Variants in SVEP1 observed in about 807,000 individuals in gnomAD.
The protein encoded by SVEP1 is sushi, von Willebrand factor type A, EGF and pentraxin domain-containing protein 1.
Under a neutral mutation model 367.3 loss-of-function variants are expected in SVEP1, and 164 were observed. That is an observed-to-expected ratio of 0.45 (90% CI 0.39 to 0.51). The LOEUF is 0.51. Ranked by LOEUF, SVEP1 falls within the 20% of genes least tolerant of loss-of-function variation. The pLI is 0.00. For missense variants in SVEP1, 4,117 were observed against 4,425.3 expected (o/e 0.93, Z 1.98); for synonymous variants, 1,666 against 1,611.6 (o/e 1.03, Z -0.81).
At chr9:110,455,811 G>T in intron 21 of SVEP1, 108 bp from the exon 22 acceptor site, 1 of 709,128 alleles carries the variant, frequency 1.4e-6, no homozygotes, top group Non-Finnish European at 2.0e-6. Context: ...TTTTAAATGG[G>T]TAGTGGTAAA....
chr9:110,432,755 AC>A lies in SVEP1; in HGVS notation c.5060-121del, dbSNP rs1828370795. On this transcript the variant is annotated intron_variant, in intron 30 of 47. Transcript: ENST00000374469. ...CATTTTTACTGAATGCAAACATCAG[AC>A]TGAGGGTGTCCTAGGGATAGCAGCA... 2.5e-6 allele frequency: 3 copies of A among 1,183,530 alleles called. No homozygotes were observed. The South Asian group carries it at 4.6e-5, about 18-fold the overall frequency. The allele number at this position is 1,183,530 out of a possible 1,614,324, so 73.3% of individuals were successfully genotyped here. A position where few individuals can be genotyped will look rare whatever the true frequency, so the allele number is the denominator to read the frequency against.
intron 43 of SVEP1, among the ~76,000 whole-genome samples, chr9:110,381,889 T>C (rs998327320): frequency 2.0e-5 from 3 of 152,210 alleles, no homozygotes; most frequent in African/African-American, 7.2e-5. Context: ...GGTGCCTATA[T>C]ATTTAGGATA....
At chr9:110,427,363 T>C (rs1260660439) in intron 36 of SVEP1, among the ~76,000 whole-genome samples, 1 of 149,516 alleles carries the variant, frequency 6.7e-6, no homozygotes, top group Non-Finnish European at 1.5e-5. Context: ...CATTGCCCAA[T>C]GTCCATTATT....
At chr9:110,436,006 A>G (rs1350328959) in intron 28 of SVEP1, among the ~76,000 whole-genome samples, 1 of 151,700 alleles carries the variant, frequency 6.6e-6, no homozygotes, top group Non-Finnish European at 1.5e-5. Flanking sequence ...GTTGCTCTCT[A>G]TGGATGATCT....
chr9:110,378,118 C>A (rs1427698947), intron 44 of SVEP1, among the ~76,000 whole-genome samples: 1 of 149,742 alleles, frequency 6.7e-6, no homozygotes, highest in Admixed American at 6.6e-5. Flanking sequence ...TCTAATCTAT[C>A]TTCTTAATCA....
intron 4 of SVEP1, 114 bp from the exon 5 acceptor site, chr9:110,513,219 C>G: frequency 2.1e-6 from 2 of 974,876 alleles, no homozygotes; most frequent in African/African-American, 3.3e-5. Context: ...TTGCCTACAG[C>G]ATTTCCATTT....
At chr9:110,449,524 A>T (rs1157319608) in intron 24 of SVEP1, among the ~76,000 whole-genome samples, 1 of 152,094 alleles carries the variant, frequency 6.6e-6, no homozygotes, top group Admixed American at 6.5e-5. Context: ...CTCTACTAAA[A>T]ATACAAAAGT....
At chr9:110,396,678 A>C (rs1827767068) in intron 40 of SVEP1, among the ~76,000 whole-genome samples, 1 of 83,012 alleles carries the variant, frequency 1.2e-5, no homozygotes, top group African/African-American at 4.9e-5. Flanking sequence ...CACTGATCCC[A>C]CAGAAATACA....
At chr9:110,465,783 G>C in intron 18 of SVEP1, 82 bp downstream of exon 18, 1 of 1,486,790 alleles carries the variant, frequency 6.7e-7, no homozygotes, top group Non-Finnish European at 9.1e-7. Flanking sequence ...GTAGATGTAT[G>C]TTTTTGCAGA....
chr9:110,483,572 C>A lies in SVEP1; in HGVS notation c.2038+14G>T. 6.3e-7 allele frequency: 1 copy of A among 1,589,026 alleles called. No individual in the cohort carries two copies. On this transcript the variant is annotated intron_variant, in intron 10 of 47. Transcript: ENST00000374469. Reference sequence around the variant, plus strand: ...ATTGCTACTATGCTGACAACAAAGTCCTTGTCACCTCACCTGAGTTGTCTG... The same window carrying A: ...ATTGCTACTATGCTGACAACAAAGTACTTGTCACCTCACCTGAGTTGTCTG...
At chr9:110,485,732 TGTTA>T (rs1386600804) in intron 9 of SVEP1, among the ~76,000 whole-genome samples, 1 of 152,178 alleles carries the variant, frequency 6.6e-6, no homozygotes, top group Non-Finnish European at 1.5e-5. Flanking sequence ...AGGTGAGGAA[TGTTA>T]GTTAGACAAG....
At chr9:110,464,634 G>A (rs1828908102) in intron 18 of SVEP1, among the ~76,000 whole-genome samples, 1 of 152,188 alleles carries the variant, frequency 6.6e-6, no homozygotes, top group Non-Finnish European at 1.5e-5. Context: ...TGTGTAGCCT[G>A]AGAGAAGTAG....
intron 47 of SVEP1, among the ~76,000 whole-genome samples, chr9:110,366,889 A>G (rs188046364): frequency 2.5e-4 from 38 of 152,358 alleles, no homozygotes; most frequent in African/African-American, 8.2e-4. Context: ...TCCATTAACA[A>G]TCTATGGTTT....
chr9:110,371,374 C>T (rs1331308719), intron 46 of SVEP1, among the ~76,000 whole-genome samples: 2 of 152,174 alleles, frequency 1.3e-5, no homozygotes, highest in Non-Finnish European at 2.9e-5. Context: ...CCTATCACGT[C>T]GGTGGTCCCA....
At position 110,489,621 on chromosome 9, in the gene SVEP1, T is replaced by G. The variant is rs931332087; in HGVS notation, c.1930+29A>C. Reference sequence around the variant, plus strand: ...GCCACAGTTCAAGATGACGTTTGGATGGGGAAACAACCAAACTATATCACT... The same window carrying G: ...GCCACAGTTCAAGATGACGTTTGGAGGGGGAAACAACCAAACTATATCACT... On this transcript the variant is annotated intron_variant, in intron 9 of 47. Coordinates refer to ENST00000374469, the MANE Select transcript of SVEP1 (RefSeq NM_153366.4). 6 of 1,593,374 alleles carry G rather than the reference T, an allele frequency of 3.8e-6. No individual in the cohort carries two copies. In the African/African-American group the frequency reaches 6.7e-5, roughly 18 times the overall value.
intron 46 of SVEP1, among the ~76,000 whole-genome samples, chr9:110,373,526 C>A (rs184271171): frequency 1.3e-5 from 2 of 152,058 alleles, no homozygotes; most frequent in African/African-American, 2.4e-5. Flanking sequence ...ACTTTACATG[C>A]CATTTATGTT....
At chr9:110,517,326 G>C (rs908798508) in intron 3 of SVEP1, among the ~76,000 whole-genome samples, 1 of 151,886 alleles carries the variant, frequency 6.6e-6, no homozygotes, top group Non-Finnish European at 1.5e-5. Flanking sequence ...GCTGGGCATG[G>C]GTGGCTCATG....
chr9:110,465,790 C>A, intron 18 of SVEP1, 75 bp downstream of exon 18: 1 of 1,501,780 alleles, frequency 6.7e-7, no homozygotes, highest in South Asian at 1.3e-5. Context: ...TATGTTTTTG[C>A]AGAAAATATG....
In SVEP1 at chr9:110,434,388, C is replaced by T. The variant is rs765691961; in HGVS notation, c.5007G>A (p.Val1669=). Residue 1669 remains valine (V), a synonymous_variant, in exon 30 of 48, where the codon GTG becomes GTA. Transcript: ENST00000374469. ...ACTGTCCTTGATTCAGACAGTACTG[C>T]ACAGGGTTCCCGACCAGCTGGAAGC... ...DPGFQLVGNP[V]QYCLNQGQWT... The T allele has an allele frequency of 4.3e-6, 7 of 1,613,144 alleles. No individual in the cohort carries two copies. In the Admixed American group the frequency reaches 5.0e-5, roughly 12 times the overall value.
Sources: gnomAD v4.1 joint callset for allele counts (sites outside exome capture counted in the v4.1 genomes callset) on GRCh38, gnomAD v4.1.1 for gene constraint, MANE v1.5 for transcripts, NCBI Gene and HGNC (gene_info 2026-07-23, HGNC 2026-07-21) for gene names.